The following CBLC variants were observed in gnomAD, a reference collection of about 807,000 sequenced individuals.
CBLC encodes Cbl proto-oncogene C.
In CBLC, 46 loss-of-function variants were observed where a neutral mutation model predicts 58.6. That is an observed-to-expected ratio of 0.79 (90% CI 0.62 to 1.00). CBLC has a LOEUF of 1.00. Ranked by LOEUF, CBLC falls within the 50% of genes least tolerant of loss-of-function variation. CBLC has a pLI of 0.00. For synonymous variants in CBLC, 271 were observed against 264.2 expected, an observed-to-expected ratio of 1.03 and a Z score of -0.25; for missense variants, 655 against 625.8, an observed-to-expected ratio of 1.05 and a Z score of -0.50.
At position 44,784,361 on chromosome 19, in the gene CBLC, C is replaced by A. The variant is rs1416071534; in HGVS notation, c.877C>A (p.Pro293Thr). ...SILQTIPANK[P>T]LSQVLLEGQK... is the part of the protein sequence containing the mutation. ...CCTGCAGACCATCCCTGCCAACAAACCCCTGTCCCAGGTGCTCCTGGAGGG... is the reference window on the plus strand; with the variant it reads ...CCTGCAGACCATCCCTGCCAACAAAACCCTGTCCCAGGTGCTCCTGGAGGG... The change falls in exon 5 of 11, where the codon CCC becomes ACC. Residue 293 changes from proline (P) to threonine (T), a missense_variant. Pro to Thr is a conservative substitution (Grantham distance 38, BLOSUM62 -1). Around this residue, in one of 3 missense-constraint regions of CBLC, gnomAD observed 371 missense variants for 370.8 expected, o/e 1.00. Transcript: ENST00000647358. The A allele has an allele frequency of 2.5e-6, 4 of 1,600,160 alleles. No individual in the cohort carries two copies. The highest frequency in any genetic ancestry group is 3.4e-6 in the Non-Finnish European group (4 of 1,168,978).
rs138476890 is a variant in CBLC, at chr19:44,794,268, C to T, written c.1349C>T (p.Ala450Val). Reference protein sequence around the residue: ...PDLPPRKPRNAQPKVRLLKGN... With the variant: ...PDLPPRKPRNVQPKVRLLKGN... Reference sequence around the variant, plus strand: ...CTGCCCCCCAGGAAGCCCAGAAATGCCCAGCCGAAAGTGGTGAGTCAGGCG... The same window carrying T: ...CTGCCCCCCAGGAAGCCCAGAAATGTCCAGCCGAAAGTGGTGAGTCAGGCG... The change falls in exon 9 of 11, where the codon GCC becomes GTC. Residue 450 changes from alanine (A) to valine (V), a missense_variant. Ala to Val is a moderately conservative substitution (Grantham distance 64). Coordinates refer to ENST00000647358, the MANE Select transcript of CBLC (RefSeq NM_012116.4). 8 of 1,612,676 alleles carry T rather than the reference C, an allele frequency of 5.0e-6. No homozygotes were observed. The highest frequency in any genetic ancestry group is 6.8e-6 in the Non-Finnish European group (8 of 1,179,370).
At position 44,781,539 on chromosome 19, in the gene CBLC, C is replaced by T. The variant is rs187311803; in HGVS notation, c.657+176C>T. Among the ~76,000 whole-genome samples the T allele has an allele frequency of 2.7e-3, 326 of 122,210 alleles. 1 individual carries two copies. Among genetic ancestry groups the T allele is most frequent in the Admixed American group, 7.1e-3 (82 of 11,524 alleles). 80.2% of individuals were successfully genotyped at this position (122,210 alleles called of 152,430 possible). On this transcript the variant is annotated intron_variant, in intron 3 of 10. Transcript: ENST00000647358. ...AGGGAGGAGGGGGCTGGGACCTGGA[C>T]TCCTGGGTCTGAGGGAGGAGGGGCT... is the stretch of plus-strand genomic sequence containing the variant.
At chr19:44,793,002 A>G (rs1307301096) in intron 7 of CBLC, among the ~76,000 whole-genome samples, 1 of 151,972 alleles carries the variant, frequency 6.6e-6, no homozygotes, top group Non-Finnish European at 1.5e-5. Flanking sequence ...AAATACAAAA[A>G]TTAGACGGGT....
intron 6 of CBLC, among the ~76,000 whole-genome samples, chr19:44,790,636 A>T (rs1238632316): frequency 6.6e-6 from 1 of 151,842 alleles, no homozygotes; most frequent in Non-Finnish European, 1.5e-5. Context: ...GGGTTTCGCC[A>T]TGTTGCCCAA....
At chr19:44,795,573 A>G (rs1874121694) in intron 9 of CBLC, among the ~76,000 whole-genome samples, 1 of 151,902 alleles carries the variant, frequency 6.6e-6, no homozygotes, top group African/African-American at 2.4e-5. Flanking sequence ...CAGAGGCAGG[A>G]GGAAAGCTTG....
intron 6 of CBLC, 101 bp from the exon 7 acceptor site, chr19:44,792,282 C>T (rs1477206955): frequency 1.4e-6 from 2 of 1,391,030 alleles, no homozygotes; most frequent in East Asian, 2.3e-5. Context: ...CGTGAGCCAC[C>T]ACAACCAGCC....
intron 6 of CBLC, among the ~76,000 whole-genome samples, chr19:44,791,520 G>C (rs1968048641): frequency 6.6e-6 from 1 of 152,010 alleles, no homozygotes; most frequent in Non-Finnish European, 1.5e-5. Flanking sequence ...ATTACTTGAG[G>C]TCAGGAGTTC....
chr19:44,792,597 T>C (rs1040190269), intron 7 of CBLC, 83 bp downstream of exon 7: 19 of 1,363,166 alleles, frequency 1.4e-5, no homozygotes, highest in Admixed American at 1.3e-4. Context: ...CATGCCTCAT[T>C]GATCATATGG....
At chr19:44,782,332 C>T (rs746806578) in intron 3 of CBLC, 38 bp from the exon 4 acceptor site, 2 of 1,612,116 alleles carry the variant, frequency 1.2e-6, no homozygotes, top group East Asian at 2.2e-5. Context: ...GAGCTGCTTC[C>T]CTGGTCGCTC....
rs190113703 is a variant in CBLC, at chr19:44,785,023, G to A, written c.917+622G>A. 6.9e-5 allele frequency among the ~76,000 whole-genome samples: 9 copies of A among 130,318 alleles called. No homozygotes were observed. In the East Asian group the frequency reaches 1.6e-3, roughly 23 times the overall value. 85.5% of individuals were successfully genotyped at this position (130,318 alleles called of 152,430 possible). On this transcript the variant is annotated intron_variant, in intron 5 of 10. Coordinates refer to ENST00000647358, the MANE Select transcript of CBLC (RefSeq NM_012116.4). ...GTCTTGCTCTGTCGCCCTGACTGGA[G>A]TGCAATGGCATGATCTCGGCTCACT...
intron 5 of CBLC, among the ~76,000 whole-genome samples, chr19:44,787,002 T>TG (rs1967925726): frequency 6.6e-6 from 1 of 151,892 alleles, no homozygotes; most frequent in Non-Finnish European, 1.5e-5. Flanking sequence ...CGAGAATTGC[T>TG]TGAACCCGGG....
Position 44,793,591 on chromosome 19 carries a change from C to G in CBLC, c.1255C>G (p.Gln419Glu), listed in dbSNP as rs765569181. Residue 419 changes from glutamine (Q) to glutamate (E), a missense_variant, in exon 8 of 11, where the codon CAG (glutamine) becomes GAG (glutamate). Gln to Glu is a conservative substitution (Grantham distance 29). This residue lies in a region of CBLC where 371 missense variants were observed against 370.8 expected (regional missense o/e 1.00). Transcript: ENST00000647358. ...TGAGGACTCAGGGAACAGCAGTGAC[C>G]AGGAAGGCAGGGAGTTGGAGCTGGG... ...TAEDSGNSSD[Q>E]EGRELELGQV... is the part of the protein sequence containing the mutation. 3 of 1,606,656 alleles carry G rather than the reference C, an allele frequency of 1.9e-6. No homozygotes were observed. Among genetic ancestry groups the G allele is most frequent in the Admixed American group, 3.4e-5 (2 of 58,336 alleles).
intron 6 of CBLC, 44 bp from the exon 7 acceptor site, chr19:44,792,319 CCAAGTTGTGTCCCCGTGGCT>C: frequency 1.3e-6 from 2 of 1,591,570 alleles, no homozygotes; most frequent in Non-Finnish European, 1.7e-6. Flanking sequence ...TTCCTGTGGC[CCAAGTTGTGTCCCCGTGGCT>C]GACGCATGCC....
At position 44,781,308 on chromosome 19, in the gene CBLC, C is replaced by G. The variant is rs750033744; in HGVS notation, c.602C>G (p.Thr201Ser). The G allele has an allele frequency of 1.2e-6, 2 of 1,613,418 alleles. No homozygotes were observed. The highest frequency in any genetic ancestry group is 2.2e-5 in the South Asian group (2 of 91,092). The change falls in exon 3 of 11, where the codon ACC becomes AGC. Residue 201 changes from threonine (T) to serine (S), a missense_variant. Physicochemically the swap from Thr to Ser is moderately conservative, Grantham distance 58. Transcript: ENST00000647358. ...ALALRTTIDL[T>S]CSGHVSIFEF... is the part of the protein sequence containing the mutation. ...GCCTTGCGCACCACCATTGACCTCA[C>G]CTGCAGCGGGCACGTGTCCATCTTC... is the stretch of plus-strand genomic sequence containing the variant.
chr19:44,794,817 C>G lies in CBLC; in HGVS notation c.1362+536C>G, dbSNP rs543371118. Reference sequence around the variant, plus strand: ...TCCCAGATGTGTCCTACCTCGGGGCCTTTGCATAAGCTGTTCCCTTGGCCT... The same window carrying G: ...TCCCAGATGTGTCCTACCTCGGGGCGTTTGCATAAGCTGTTCCCTTGGCCT... On this transcript the variant is annotated intron_variant, in intron 9 of 10. Transcript: ENST00000647358. Among the ~76,000 whole-genome samples the G allele has an allele frequency of 2.6e-5, 4 of 152,102 alleles. No homozygotes were observed. The East Asian group carries it at 7.8e-4, about 30-fold the overall frequency.
At chr19:44,781,522 G>GGGCCT in intron 3 of CBLC, among the ~76,000 whole-genome samples, 159 bp downstream of exon 3, 1 of 144,472 alleles carries the variant, frequency 6.9e-6, no homozygotes, top group African/African-American at 2.6e-5. Flanking sequence ...TGAGGGAGGA[G>GGGCCT]GGGGCTGGGA....
Position 44,778,190 on chromosome 19 carries a change from C to G in CBLC, c.259C>G (p.Leu87Val), listed in dbSNP as rs746709240. Residue 87 changes from leucine to valine, a missense_variant, in exon 1 of 11, where the codon CTG (leucine) becomes GTG (valine). By Grantham distance (32) the Leu-to-Val change is conservative. This residue lies in a region of CBLC where 280 missense variants were observed against 237.2 expected (regional missense o/e 1.18). Coordinates refer to ENST00000647358, the MANE Select transcript of CBLC (RefSeq NM_012116.4). ...GDFLLIYLAN[L>V]EAKSRQVAAL... Reference sequence around the variant, plus strand: ...CTTTCTACTCATCTACCTGGCCAATCTGGAGGCCAAGAGCAGGCAGGTGGC... The same window carrying G: ...CTTTCTACTCATCTACCTGGCCAATGTGGAGGCCAAGAGCAGGCAGGTGGC... 1.3e-6 allele frequency: 2 copies of G among 1,524,972 alleles called. No homozygotes were observed. Among genetic ancestry groups the G allele is most frequent in the East Asian group, 2.5e-5 (1 of 40,358 alleles). The allele number at this position is 1,524,972 out of a possible 1,614,324, so 94.5% of individuals were successfully genotyped here.
chr19:44,799,608 G>A (rs933001016), intron 9 of CBLC, among the ~76,000 whole-genome samples: 1 of 151,904 alleles, frequency 6.6e-6, no homozygotes, highest in Non-Finnish European at 1.5e-5. Flanking sequence ...CTGGGATTAC[G>A]GGTGTGAGCC....
chr19:44,781,467 T>G, intron 3 of CBLC, 104 bp downstream of exon 3: 1 of 1,156,388 alleles, frequency 8.6e-7, no homozygotes, highest in Non-Finnish European at 1.2e-6. Context: ...GGACCTGGAC[T>G]CCTGGATCTG....
Sources: allele counts gnomAD v4.1 joint callset (sites outside exome capture counted in the v4.1 genomes callset), GRCh38; gene constraint gnomAD v4.1.1; regional missense constraint gnomAD v4.1.1; transcripts MANE v1.5; gene names NCBI Gene and HGNC (gene_info 2026-07-23, HGNC 2026-07-21).